The following GABRA5 variants were observed in gnomAD, a reference collection of about 807,000 sequenced individuals.
The protein encoded by GABRA5 is gamma-aminobutyric acid type A receptor subunit alpha5, also known as gamma-aminobutyric acid receptor subunit alpha-5.
A neutral mutation model predicts 47.3 loss-of-function variants in GABRA5; 18 were observed. The ratio of observed to expected loss-of-function variants is 0.38; its 90% CI spans 0.26 to 0.56. The LOEUF is 0.56. Ranked by LOEUF, GABRA5 falls within the 20% of genes least tolerant of loss-of-function variation. The pLI, the probability that GABRA5 is intolerant of heterozygous loss-of-function variation, is 0.71. For missense variants in GABRA5, 365 were observed against 599.3 expected, an observed-to-expected ratio of 0.61 and a Z score of 4.08; for synonymous variants, 237 against 229.3, an observed-to-expected ratio of 1.03 and a Z score of -0.30.
chr15:26,873,844 A>G (rs1223144262), intron 3 of GABRA5, among the ~76,000 whole-genome samples: 2 of 152,252 alleles, frequency 1.3e-5, no homozygotes, highest in African/African-American at 4.8e-5. Flanking sequence ...TAAAGGCTTC[A>G]GCGACCCTGG....
At chr15:26,881,574 T>C (rs1892729830) in intron 4 of GABRA5, among the ~76,000 whole-genome samples, 1 of 152,220 alleles carries the variant, frequency 6.6e-6, no homozygotes, top group South Asian at 2.1e-4. Context: ...GTGTGCAGTT[T>C]CCAGGCATGT....
chr15:26,892,498 A>G (rs1458148584), intron 6 of GABRA5, among the ~76,000 whole-genome samples: 1 of 152,230 alleles, frequency 6.6e-6, no homozygotes, highest in Non-Finnish European at 1.5e-5. Context: ...GGGAAGCTTT[A>G]AAATATTTCA....
chr15:26,883,471 C>T lies in GABRA5; in HGVS notation c.411C>T (p.Asn137=), dbSNP rs2140256154. ...GGACCCCAGACACGTTCTTCCACAACGGGAAGAAGTCCATCGCTCACAACA... is the reference window on the plus strand; with the variant it reads ...GGACCCCAGACACGTTCTTCCACAATGGGAAGAAGTCCATCGCTCACAACA... ...KIWTPDTFFH[N]GKKSIAHNMT... The change falls in exon 6 of 11, where the codon AAC becomes AAT. Residue 137 remains asparagine (N), a synonymous_variant. Transcript: ENST00000335625. The surrounding 1 kb of genome is among the most constrained non-coding windows in gnomAD (Gnocchi z 4.8). 6.2e-7 allele frequency: 1 copy of T among 1,613,970 alleles called. No homozygotes were observed. The highest frequency in any genetic ancestry group is 8.5e-7 in the Non-Finnish European group (1 of 1,179,904).
chr15:26,908,168 T>G (rs968745776), intron 6 of GABRA5, among the ~76,000 whole-genome samples: 2 of 152,174 alleles, frequency 1.3e-5, no homozygotes, highest in Admixed American at 6.5e-5. Flanking sequence ...AATATTTGGA[T>G]CAGTATATCT....
chr15:26,910,070 G>T (rs1047648878), intron 6 of GABRA5, among the ~76,000 whole-genome samples: 10 of 150,994 alleles, frequency 6.6e-5, no homozygotes, highest in Non-Finnish European at 8.9e-5. Flanking sequence ...TGAAATAAAT[G>T]TTTTTTTTTC....
At chr15:26,922,818 T>G (rs1893874236) in intron 7 of GABRA5, among the ~76,000 whole-genome samples, 1 of 152,174 alleles carries the variant, frequency 6.6e-6, no homozygotes, top group Non-Finnish European at 1.5e-5. Flanking sequence ...TGGAGTGCAA[T>G]GGGGTGATCA....
chr15:26,930,895 C>CTTTTTTTTTTTTTTTTTTTTTTTTTTTTT (rs555799476), intron 7 of GABRA5, among the ~76,000 whole-genome samples: 1 of 115,036 alleles, frequency 8.7e-6, no homozygotes, highest in Non-Finnish European at 1.8e-5. Context: ...TCTTTCTTTT[C>CTTTTTTTTTTTTTTTTTTTTTTTTTTTTT]TTTTTTTTTT....
Position 26,883,299 on chromosome 15 carries a change from C to T in GABRA5, c.277-38C>T, listed in dbSNP as rs370204944. 1.2e-5 allele frequency: 19 copies of T among 1,611,546 alleles called. No individual in the cohort carries two copies. In the African/African-American group the frequency reaches 2.4e-4, roughly 20 times the overall value. On this transcript the variant is annotated intron_variant, in intron 5 of 10. Coordinates refer to ENST00000335625, the MANE Select transcript of GABRA5 (RefSeq NM_000810.4). The surrounding 1 kb of genome is among the most constrained non-coding windows in gnomAD (Gnocchi z 4.8). ...GCGCCGCAGGCCCCCGCCCAGGCCCCGTGCCCTCTGACTGCCTCGTGCCTT... is the reference window on the plus strand; with the variant it reads ...GCGCCGCAGGCCCCCGCCCAGGCCCTGTGCCCTCTGACTGCCTCGTGCCTT...
intron 3 of GABRA5, among the ~76,000 whole-genome samples, chr15:26,870,965 G>A (rs1282224633): frequency 1.3e-5 from 2 of 152,200 alleles, no homozygotes; most frequent in African/African-American, 4.8e-5. Context: ...GCCAAGCGGG[G>A]GGCGGATCGC....
intron 7 of GABRA5, among the ~76,000 whole-genome samples, chr15:26,915,714 A>G (rs1893702345): frequency 6.6e-6 from 1 of 152,182 alleles, no homozygotes; most frequent in Non-Finnish European, 1.5e-5. Context: ...TCACTTGTGC[A>G]CATGCTATAT....
intron 6 of GABRA5, among the ~76,000 whole-genome samples, chr15:26,901,585 AT>A (rs1893328758): frequency 6.6e-6 from 1 of 152,058 alleles, no homozygotes; most frequent in Admixed American, 6.6e-5. Flanking sequence ...TTCTGCAAAT[AT>A]TTTCTCCTAC....
intron 7 of GABRA5, among the ~76,000 whole-genome samples, chr15:26,930,319 T>C (rs1894069817): frequency 6.6e-6 from 1 of 152,172 alleles, no homozygotes. Context: ...GCTCCCTTCT[T>C]AACTAACAAT....
chr15:26,907,887 A>G (rs960465067), intron 6 of GABRA5, among the ~76,000 whole-genome samples: 3 of 152,364 alleles, frequency 2.0e-5, no homozygotes, highest in South Asian at 4.1e-4. Flanking sequence ...CACATGGTAC[A>G]TCGTGATACT....
intron 6 of GABRA5, among the ~76,000 whole-genome samples, chr15:26,897,558 A>T (rs1893228729): frequency 6.6e-6 from 1 of 152,180 alleles, no homozygotes; most frequent in African/African-American, 2.4e-5. Context: ...GTGCTGTGCA[A>T]ATGAAGAGCC....
chr15:26,895,826 A>AAAAAAAAAGAAG (rs1458730535), intron 6 of GABRA5, among the ~76,000 whole-genome samples: 1,446 of 135,788 alleles, frequency 0.011, 42 homozygotes, highest in African/African-American at 0.037. Context: ...AAAAAAAAAA[A>AAAAAAAAAGAAG]AAGAAGAAGA....
intron 3 of GABRA5, among the ~76,000 whole-genome samples, chr15:26,875,505 G>A (rs1320505623): frequency 2.6e-5 from 4 of 152,212 alleles, no homozygotes; most frequent in African/African-American, 9.6e-5. Context: ...GTAATTCAGA[G>A]TAAGAGACAG....
chr15:26,924,417 A>G (rs1893910462), intron 7 of GABRA5, among the ~76,000 whole-genome samples: 2 of 152,102 alleles, frequency 1.3e-5, no homozygotes, highest in South Asian at 4.1e-4. Flanking sequence ...TGGCCTCATT[A>G]CTGCCAAGTG....
chr15:26,939,418 G>A (rs1295094464), intron 8 of GABRA5: 2 of 765,106 alleles, frequency 2.6e-6, no homozygotes, highest in Non-Finnish European at 4.8e-6. Flanking sequence ...AGGACCCAGA[G>A]CCTCCTGAGC....
intron 7 of GABRA5, among the ~76,000 whole-genome samples, chr15:26,917,693 G>T (rs1055083024): frequency 5.9e-5 from 9 of 151,860 alleles, no homozygotes; most frequent in Non-Finnish European, 1.2e-4. Context: ...CTGGTCCTGG[G>T]CTTTTCTTTG....
Sources: allele counts gnomAD v4.1 joint callset (sites outside exome capture counted in the v4.1 genomes callset), GRCh38; gene constraint gnomAD v4.1.1; non-coding constraint Gnocchi (gnomAD v3.1); transcripts MANE v1.5; gene names NCBI Gene and HGNC (gene_info 2026-07-23, HGNC 2026-07-21).